The following DPH6 variants were observed in gnomAD, a reference collection of about 807,000 sequenced individuals.
The protein encoded by DPH6 is diphthamine biosynthesis 6, also known as diphthine--ammonia ligase.
Under a neutral mutation model 38.2 loss-of-function variants are expected in DPH6, and 33 were observed. The observed-to-expected ratio is 0.86, with a 90% CI of 0.65 to 1.15. DPH6 has a LOEUF of 1.15. Ranked by LOEUF, DPH6 falls within the 50% of genes most tolerant of loss-of-function variation. The probability of loss-of-function intolerance (pLI) is 0.00; values close to 1 mark genes in which losing one functional copy is unlikely to be tolerated. For synonymous variants in DPH6, 108 were observed against 103.0 expected (o/e 1.05, Z -0.30); for missense variants, 325 against 320.0 (o/e 1.02, Z -0.12).
chr15:35,388,195 C>T (rs938322607), intron 6 of DPH6, among the ~76,000 whole-genome samples: 3 of 152,176 alleles, frequency 2.0e-5, no homozygotes, highest in Non-Finnish European at 4.4e-5. Context: ...ATGAAGCCCA[C>T]TTGATCATGG....
intron 3 of DPH6, chr15:35,521,396 T>G: frequency 9.2e-7 from 1 of 1,082,702 alleles, no homozygotes; most frequent in Non-Finnish European, 1.1e-6. Context: ...ATCTAAAGAA[T>G]CTGTAAGATC....
intron 3 of DPH6, among the ~76,000 whole-genome samples, chr15:35,353,621 T>C (rs1022661016): frequency 6.6e-6 from 1 of 152,242 alleles, no homozygotes; most frequent in African/African-American, 2.4e-5. Context: ...AGGGATCTGT[T>C]CTGTTCCATT....
chr15:35,159,395 T>A, the DPH6 span, among the ~76,000 whole-genome samples: 1 of 151,926 alleles, frequency 6.6e-6, no homozygotes, highest in African/African-American at 2.4e-5. Context: ...CAGGCTGCAG[T>A]ATCTCTCATT....
intron 3 of DPH6, among the ~76,000 whole-genome samples, chr15:35,483,106 G>A (rs1439205557): frequency 6.6e-6 from 1 of 151,884 alleles, no homozygotes; most frequent in African/African-American, 2.4e-5. Flanking sequence ...AAAAAATACA[G>A]ATGAATGGCC....
chr15:35,532,483 G>C (rs1417190820), intron 3 of DPH6, among the ~76,000 whole-genome samples: 1 of 152,162 alleles, frequency 6.6e-6, no homozygotes, highest in East Asian at 1.9e-4. Flanking sequence ...GGTTGAGGGG[G>C]ATGGAGTGGA....
At chr15:35,207,557 T>A in the DPH6 span, among the ~76,000 whole-genome samples, 1 of 152,152 alleles carries the variant, frequency 6.6e-6, no homozygotes, top group Non-Finnish European at 1.5e-5. Context: ...ATAATAATCA[T>A]CCCCATGAGA....
chr15:35,419,897 A>G (rs904422876), intron 5 of DPH6, among the ~76,000 whole-genome samples: 3 of 152,166 alleles, frequency 2.0e-5, no homozygotes, highest in African/African-American at 7.2e-5. Flanking sequence ...CAGAAAATCA[A>G]TAAGGAAACA....
Position 35,372,222 on chromosome 15 carries a change from G to C in DPH6, c.751-19C>G. 6.7e-7 allele frequency: 1 copy of C among 1,481,860 alleles called. No homozygotes were observed. Among genetic ancestry groups the C allele is most frequent in the South Asian group, 1.4e-5 (1 of 69,706 alleles). The allele number at this position is 1,481,860 out of a possible 1,614,324, so 91.8% of individuals were successfully genotyped here. A position where few individuals can be genotyped will look rare whatever the true frequency, so the allele number is the denominator to read the frequency against. ...AGGACACCTAAAAAAAAAAGGGAAG[G>C]AAAGGGAAGGAAAATGCACCATATT... On this transcript the variant is annotated intron_variant, in intron 8 of 8. Coordinates refer to ENST00000256538, the MANE Select transcript of DPH6 (RefSeq NM_080650.4).
At chr15:35,538,177 T>A in intron 3 of DPH6, 97 bp downstream of exon 3, 8 of 1,147,818 alleles carry the variant, frequency 7.0e-6, no homozygotes, top group Non-Finnish European at 9.3e-6. Flanking sequence ...GTTGGGCTAC[T>A]AACAATTGCA....
intron 7 of DPH6, among the ~76,000 whole-genome samples, chr15:35,381,025 C>G (rs1207351113): frequency 7.1e-6 from 1 of 140,630 alleles, no homozygotes; most frequent in African/African-American, 2.7e-5. Context: ...TTAAGAAAAT[C>G]CACCTAGAGT....
chr15:35,471,335 C>T (rs2054196424), intron 3 of DPH6, among the ~76,000 whole-genome samples: 1 of 152,156 alleles, frequency 6.6e-6, no homozygotes, highest in Admixed American at 6.5e-5. Context: ...AATCCTGTCA[C>T]AAAGTACTAA....
At chr15:35,459,612 C>T (rs536642383) in intron 3 of DPH6, among the ~76,000 whole-genome samples, 3 of 152,016 alleles carry the variant, frequency 2.0e-5, no homozygotes, top group African/African-American at 4.8e-5. Context: ...ATACTTGAAG[C>T]CACGGGAGCA....
rs143786354 is a variant in DPH6 at position 35,542,414 on chromosome 15, T to C, written c.117A>G (p.Gln39=). ...TTCCCAATAAAGGCATGTACTTACCTTGGTTTTCAGCTGGTCTTAGATTTG... is the reference window on the plus strand; with the variant it reads ...TTCCCAATAAAGGCATGTACTTACCCTGGTTTTCAGCTGGTCTTAGATTTG... ...ALANLRPAEN[Q]VGSDELDSYM... Residue 39 remains glutamine, a splice_region_variant and synonymous_variant, in exon 2 of 9, where the codon CAA becomes CAG. Transcript: ENST00000256538. 1.3e-4 allele frequency: 197 copies of C among 1,566,104 alleles called. No homozygotes were observed. Among genetic ancestry groups the C allele is most frequent in the Non-Finnish European group, 1.5e-4 (177 of 1,143,272 alleles).
downstream of DPH6, among the ~76,000 whole-genome samples, chr15:35,327,335 CCTTT>C (rs1468267624): frequency 6.9e-6 from 1 of 144,256 alleles, no homozygotes; most frequent in Non-Finnish European, 1.5e-5. Flanking sequence ...AGAAAAGGTT[CCTTT>C]TTTTTTTTTT....
intron 3 of DPH6, among the ~76,000 whole-genome samples, chr15:35,295,915 T>A (rs532368364): frequency 2.6e-5 from 4 of 151,786 alleles, no homozygotes; most frequent in Non-Finnish European, 5.9e-5. Flanking sequence ...ACTATGTCTA[T>A]TTTATTTTAT....
intron 5 of DPH6, among the ~76,000 whole-genome samples, chr15:35,446,035 T>C (rs542845107): frequency 1.3e-5 from 2 of 152,250 alleles, no homozygotes; most frequent in East Asian, 3.9e-4. Context: ...CTAGTGATGC[T>C]GGATGTGTTC....
chr15:35,252,944 G>A (rs1333584821), intron 3 of DPH6, among the ~76,000 whole-genome samples: 1 of 152,156 alleles, frequency 6.6e-6, no homozygotes, highest in Non-Finnish European at 1.5e-5. Flanking sequence ...CTTCAAATGA[G>A]CTTCTATGTG....
intron 5 of DPH6, among the ~76,000 whole-genome samples, chr15:35,427,005 T>C (rs1423884685): frequency 4.3e-5 from 5 of 116,294 alleles, no homozygotes; most frequent in Admixed American, 1.7e-4. Context: ...AGAAAGAATC[T>C]AAAAAAAAAA....
At chr15:35,201,006 A>ATTTT in the DPH6 span, among the ~76,000 whole-genome samples, 1 of 109,616 alleles carries the variant, frequency 9.1e-6, no homozygotes, top group African/African-American at 3.6e-5. Context: ...TTTTTTTACC[A>ATTTT]TTTCTATCAT....
Sources: allele counts gnomAD v4.1 joint callset (sites outside exome capture counted in the v4.1 genomes callset), GRCh38; gene constraint gnomAD v4.1.1; transcripts MANE v1.5; gene names NCBI Gene and HGNC (gene_info 2026-07-23, HGNC 2026-07-21).